Variants in CCDC126 observed in about 807,000 individuals in gnomAD.
CCDC126 encodes the protein coiled-coil domain-containing protein 126.
A neutral mutation model predicts 11.7 loss-of-function variants in CCDC126; 5 were observed. That is an observed-to-expected ratio of 0.43 (90% CI 0.22 to 0.90). CCDC126 has a LOEUF of 0.90. CCDC126 is among the 40% of genes least tolerant of loss of function. The pLI, the probability that CCDC126 is intolerant of heterozygous loss-of-function variation, is 0.27. For missense variants in CCDC126, 150 were observed against 163.1 expected (o/e 0.92, Z 0.44); for synonymous variants, 60 against 61.9 (o/e 0.97, Z 0.14).
At chr7:23,642,105 C>A (rs1206233399) in intron 3 of CCDC126, among the ~76,000 whole-genome samples, 1 of 152,084 alleles carries the variant, frequency 6.6e-6, no homozygotes, top group Non-Finnish European at 1.5e-5. Context: ...TCTGCCTCCC[C>A]GGTTCAAGGG....
intron 3 of CCDC126, among the ~76,000 whole-genome samples, chr7:23,612,532 G>C (rs1376011616): frequency 1.3e-5 from 2 of 149,314 alleles, no homozygotes; most frequent in Non-Finnish European, 3.0e-5. Flanking sequence ...AATTAGCCAG[G>C]CATGGTGATA....
At position 23,643,016 on chromosome 7, in the gene CCDC126, T is replaced by A; in HGVS notation, c.324T>A (p.Val108=). 6.2e-7 allele frequency: 1 copy of A among 1,614,186 alleles called. No individual in the cohort carries two copies. ...TGGAGAACAAAGTTGACTATATTGTTGTGAATGGCTCAGCAGCCAACACCA... is the reference window on the plus strand; with the variant it reads ...TGGAGAACAAAGTTGACTATATTGTAGTGAATGGCTCAGCAGCCAACACCA... ...VKLENKVDYI[V]VNGSAANTTN... Residue 108 remains valine, a synonymous_variant, in exon 4 of 4, where the codon GTT becomes GTA. Transcript: ENST00000307471.
chr7:23,638,317 G>A (rs1159359661), intron 3 of CCDC126, among the ~76,000 whole-genome samples: 1 of 144,066 alleles, frequency 6.9e-6, no homozygotes, highest in Middle Eastern at 3.3e-3. Flanking sequence ...GATGGTTGCC[G>A]GGTCTGTGTG....
chr7:23,615,923 A>G (rs1782788288), intron 3 of CCDC126, among the ~76,000 whole-genome samples: 4 of 152,216 alleles, frequency 2.6e-5, no homozygotes. Flanking sequence ...TATGATGAGA[A>G]TTACCCAAAT....
chr7:23,628,920 G>A (rs181726966), intron 3 of CCDC126, among the ~76,000 whole-genome samples: 3 of 152,274 alleles, frequency 2.0e-5, no homozygotes, highest in African/African-American at 2.4e-5. Context: ...CTTGAGTATT[G>A]TGGAAGCTGA....
intron 3 of CCDC126, among the ~76,000 whole-genome samples, chr7:23,615,185 C>A (rs1782776130): frequency 1.3e-5 from 2 of 152,220 alleles, no homozygotes; most frequent in African/African-American, 4.8e-5. Context: ...AGATAACTTG[C>A]TGCAGGTTCT....
chr7:23,629,776 A>G (rs1783074959), intron 3 of CCDC126, among the ~76,000 whole-genome samples: 1 of 152,180 alleles, frequency 6.6e-6, no homozygotes, highest in South Asian at 2.1e-4. Context: ...CACAATCCAA[A>G]TAACAGGGAG....
intron 3 of CCDC126, among the ~76,000 whole-genome samples, chr7:23,623,398 A>G (rs929128377): frequency 1.3e-5 from 2 of 151,976 alleles, no homozygotes; most frequent in African/African-American, 2.4e-5. Context: ...GGAGTTTGAG[A>G]CCAGCCACGA....
chr7:23,598,767 T>C (rs1782477116), intron 2 of CCDC126, among the ~76,000 whole-genome samples: 1 of 152,244 alleles, frequency 6.6e-6, no homozygotes, highest in African/African-American at 2.4e-5. Context: ...GTTGGTGTTA[T>C]TTAGTGCAGT....
intron 3 of CCDC126, among the ~76,000 whole-genome samples, chr7:23,634,224 T>C (rs1485874632): frequency 6.6e-6 from 1 of 152,178 alleles, no homozygotes; most frequent in Non-Finnish European, 1.5e-5. Context: ...GGTGGATGGA[T>C]TGCCTGAGCC....
At chr7:23,629,986 A>C (rs1164852581) in intron 3 of CCDC126, among the ~76,000 whole-genome samples, 2 of 152,240 alleles carry the variant, frequency 1.3e-5, no homozygotes, top group African/African-American at 4.8e-5. Flanking sequence ...AGCAAACCCC[A>C]ATCGGGATAA....
chr7:23,617,175 C>A (rs1782807492), intron 3 of CCDC126, among the ~76,000 whole-genome samples: 1 of 151,514 alleles, frequency 6.6e-6, no homozygotes, highest in African/African-American at 2.4e-5. Context: ...TGGTGAAACC[C>A]CATCTCTACT....
At chr7:23,622,364 G>T (rs1782919860) in intron 3 of CCDC126, 1 of 300,322 alleles carries the variant, frequency 3.3e-6, no homozygotes, top group Admixed American at 4.8e-5. Flanking sequence ...TAGTTTATTT[G>T]TGTAGAGGTG....
chr7:23,619,020 A>G (rs1782842981), intron 3 of CCDC126, among the ~76,000 whole-genome samples: 1 of 152,090 alleles, frequency 6.6e-6, no homozygotes, highest in South Asian at 2.1e-4. Context: ...TCTGAGCGAG[A>G]GAAAAAGGCT....
At position 23,643,048 on chromosome 7, in the gene CCDC126, G is replaced by T; in HGVS notation, c.356G>T (p.Gly119Val). The change falls in exon 4 of 4, where the codon GGT becomes GTT. Residue 119 changes from glycine (G) to valine (V), a missense_variant. Gly to Val is a moderately radical substitution (Grantham distance 109). Transcript: ENST00000307471. ...VNGSAANTTNGTSGNLVPVTT... is the reference protein window; with the variant it reads ...VNGSAANTTNVTSGNLVPVTT... ...GGCTCAGCAGCCAACACCACCAATG[G>T]TACTAGTGGGAATTTGGTGCCAGTA... The T allele has an allele frequency of 6.2e-7, 1 of 1,614,084 alleles. No homozygotes were observed. The highest frequency in any genetic ancestry group is 8.5e-7 in the Non-Finnish European group (1 of 1,179,936).
At chr7:23,614,568 T>A (rs114118837) in intron 3 of CCDC126, among the ~76,000 whole-genome samples, 1 of 152,184 alleles carries the variant, frequency 6.6e-6, no homozygotes, top group Non-Finnish European at 1.5e-5. Flanking sequence ...GTGAATCCTT[T>A]CCAGAAGGCT....
intron 3 of CCDC126, among the ~76,000 whole-genome samples, chr7:23,641,543 C>T (rs1361690185): frequency 6.6e-6 from 1 of 152,132 alleles, no homozygotes; most frequent in Non-Finnish European, 1.5e-5. Flanking sequence ...TCTTTTGTTG[C>T]TTGTGCTTTT....
In CCDC126 at chr7:23,620,498, A is replaced by G. The variant is rs1214489190; in HGVS notation, c.238+8945A>G. On this transcript the variant is annotated intron_variant, in intron 3 of 3. Coordinates refer to ENST00000307471, the MANE Select transcript of CCDC126 (RefSeq NM_138771.4). ...TATTAGCCCTTTGTCAGATGAGTAG[A>G]TTGCAAAAATTTTCTCCCATTTTGT... Among the ~76,000 whole-genome samples, 474 of 152,234 alleles carry G rather than the reference A, an allele frequency of 3.1e-3. 1 individual carries two copies. Among genetic ancestry groups the G allele is most frequent in the Non-Finnish European group, 4.4e-3 (299 of 67,986 alleles).
chr7:23,604,995 C>T (rs1024381099), intron 2 of CCDC126, among the ~76,000 whole-genome samples: 2 of 126,268 alleles, frequency 1.6e-5, no homozygotes, highest in African/African-American at 6.5e-5. Flanking sequence ...AAGACTTCGT[C>T]TCAAAAAAAA....
Sources: allele counts gnomAD v4.1 joint callset (sites outside exome capture counted in the v4.1 genomes callset), GRCh38; gene constraint gnomAD v4.1.1; transcripts MANE v1.5; gene names NCBI Gene and HGNC (gene_info 2026-07-23, HGNC 2026-07-21).